USH1C: variants seen among roughly 807,000 people sequenced by gnomAD.
USH1C encodes the protein harmonin.
USH1C carries 90 observed loss-of-function variants against 119.3 expected under a neutral mutation model. The ratio of observed to expected loss-of-function variants is 0.75; its 90% CI spans 0.64 to 0.90. USH1C has a LOEUF of 0.90. USH1C is among the 40% of genes least tolerant of loss of function. USH1C has a pLI of 0.00. For synonymous variants in USH1C, 465 were observed against 443.3 expected, an observed-to-expected ratio of 1.05 and a Z score of -0.62; for missense variants, 1,165 against 1,167.7, an observed-to-expected ratio of 1.00 and a Z score of 0.03.
intron 1 of USH1C, among the ~76,000 whole-genome samples, chr11:17,541,041 G>A (rs539223779): frequency 2.0e-5 from 3 of 152,046 alleles, no homozygotes; most frequent in Non-Finnish European, 2.9e-5. Context: ...TTGCCTCAGG[G>A]CCTTCACACT....
chr11:17,499,508 A>C (rs1849360022), intron 23 of USH1C, among the ~76,000 whole-genome samples: 1 of 152,226 alleles, frequency 6.6e-6, no homozygotes, highest in African/African-American at 2.4e-5. Flanking sequence ...GTAAGTGGGA[A>C]GGACCCAGGA....
intron 4 of USH1C, among the ~76,000 whole-genome samples, chr11:17,530,268 G>A: frequency 6.6e-6 from 1 of 152,222 alleles, no homozygotes; most frequent in East Asian, 1.9e-4. Flanking sequence ...CCTGGGCTCA[G>A]GTAGGAGTGA....
intron 19 of USH1C, among the ~76,000 whole-genome samples, chr11:17,504,923 C>A (rs1849591776): frequency 6.6e-6 from 1 of 152,228 alleles, no homozygotes; most frequent in Non-Finnish European, 1.5e-5. Flanking sequence ...GACATGGATG[C>A]ATCCGCAGGC....
At position 17,494,224 on chromosome 11, in the gene USH1C, G is replaced by A; in HGVS notation, c.*108C>T. On this transcript the variant is annotated 3_prime_UTR_variant, in exon 27 of 27. Coordinates refer to ENST00000005226, the MANE Select transcript of USH1C (RefSeq NM_153676.4). ...GCCAAAGGGAGTTTGAGATTCCTGG[G>A]TGATAGATTCAGGTCCCAAGGATGC... is the stretch of plus-strand genomic sequence containing the variant. The A allele has an allele frequency of 7.4e-7, 1 of 1,358,498 alleles. No individual in the cohort carries two copies. The highest frequency in any genetic ancestry group is 1.0e-6 in the Non-Finnish European group (1 of 971,250). 84.2% of individuals were successfully genotyped at this position (1,358,498 alleles called of 1,614,324 possible). A position where few individuals can be genotyped will look rare whatever the true frequency, so the allele number is the denominator to read the frequency against.
At position 17,510,536 on chromosome 11, in the gene USH1C, C is replaced by T. The variant is rs767832090; in HGVS notation, c.1414-15G>A. 59 of 1,601,954 alleles carry T rather than the reference C, an allele frequency of 3.7e-5. No individual in the cohort carries two copies. The highest frequency in any genetic ancestry group is 3.5e-4 in the South Asian group (32 of 90,832). On this transcript the variant is annotated splice_polypyrimidine_tract_variant and intron_variant, in intron 16 of 26. Transcript: ENST00000005226. ...GTCTCAGACACCTGGGACCCAGGAT[C>T]GGCGCAGAAAGGAGAGGACAAAGGG...
chr11:17,536,554 G>T (rs1056261991), intron 1 of USH1C, among the ~76,000 whole-genome samples: 1 of 152,194 alleles, frequency 6.6e-6, no homozygotes, highest in Non-Finnish European at 1.5e-5. Flanking sequence ...CTTGTCAGCA[G>T]CCCTCCAGCA....
Position 17,501,958 on chromosome 11 carries a change from C to CT in USH1C, c.2206_2207insA (p.Gly736GlufsTer3). On this transcript the variant is annotated frameshift_variant, in exon 21 of 27. Transcript: ENST00000005226. LOFTEE classifies it high-confidence loss of function. ...TCTTACCATAGAGTAGGGGTCAAAGCCTTCCTCATATTTCCGGAAATCCTG... is the reference window on the plus strand; with the variant it reads ...TCTTACCATAGAGTAGGGGTCAAAGCTCTTCCTCATATTTCCGGAAATCCTG... The CT allele has an allele frequency of 6.2e-7, 1 of 1,613,788 alleles. No individual in the cohort carries two copies. Among genetic ancestry groups the CT allele is most frequent in the East Asian group, 2.2e-5 (1 of 44,886 alleles).
At chr11:17,522,727 G>A in intron 12 of USH1C, 57 bp downstream of exon 12, 1 of 1,611,808 alleles carries the variant, frequency 6.2e-7, no homozygotes, top group South Asian at 1.1e-5. Flanking sequence ...CAAGCTAGGT[G>A]GGGTCGTGTG....
intron 20 of USH1C, among the ~76,000 whole-genome samples, chr11:17,503,919 G>T (rs1248400926): frequency 6.6e-6 from 1 of 152,226 alleles, no homozygotes; most frequent in Admixed American, 6.5e-5. Context: ...CTGCCCCTCT[G>T]CTCCCTGCCT....
chr11:17,497,787 C>A (rs1225833874), intron 24 of USH1C, among the ~76,000 whole-genome samples: 1 of 152,196 alleles, frequency 6.6e-6, no homozygotes, highest in African/African-American at 2.4e-5. Context: ...CCCACCAGCC[C>A]CTCCTTCATC....
At chr11:17,528,273 G>GTA in intron 4 of USH1C, among the ~76,000 whole-genome samples, 1 of 152,194 alleles carries the variant, frequency 6.6e-6, no homozygotes, top group South Asian at 2.1e-4. Context: ...GATGGGCCCT[G>GTA]GGCAGCCAGC....
chr11:17,538,086 C>T (rs78730869), intron 1 of USH1C, among the ~76,000 whole-genome samples: 2,563 of 152,278 alleles, frequency 0.017, 79 homozygotes, highest in African/African-American at 0.056. Flanking sequence ...TTTAGAAAGC[C>T]TTTCCTTTTC....
intron 1 of USH1C, among the ~76,000 whole-genome samples, chr11:17,534,284 C>T (rs969782628): frequency 6.6e-6 from 1 of 152,232 alleles, no homozygotes; most frequent in African/African-American, 2.4e-5. Context: ...AGCGTTACCT[C>T]TTTCTGTGGG....
chr11:17,502,287 T>C (rs952071144), intron 20 of USH1C, among the ~76,000 whole-genome samples: 5 of 152,064 alleles, frequency 3.3e-5, no homozygotes, highest in Non-Finnish European at 2.9e-5. Flanking sequence ...AGAGGCGGCA[T>C]CTGCCTTGCT....
Position 17,512,011 on chromosome 11 carries a change from T to A in USH1C, c.1304A>T (p.Asp435Val). The change falls in exon 16 of 27, where the codon GAC becomes GTC. Residue 435 changes from aspartate to valine, a missense_variant. Physicochemically the swap from Asp to Val is radical, Grantham distance 152 (BLOSUM62 -3). Transcript: ENST00000005226. ...KKKAKYGSLQ[D>V]LRKNKKELEF... is the part of the protein sequence containing the mutation. ...CAGTTCTTTCTTATTCTTTCTCAAGTCCTGCAGGCTGCCATACTTGGCTTT... is the reference window on the plus strand; with the variant it reads ...CAGTTCTTTCTTATTCTTTCTCAAGACCTGCAGGCTGCCATACTTGGCTTT... 1.2e-6 allele frequency: 2 copies of A among 1,614,238 alleles called. No homozygotes were observed. The highest frequency in any genetic ancestry group is 1.7e-6 in the Non-Finnish European group (2 of 1,180,050).
intron 26 of USH1C, among the ~76,000 whole-genome samples, 161 bp downstream of exon 26, chr11:17,495,408 T>C (rs1849208893): frequency 6.6e-6 from 1 of 152,196 alleles, no homozygotes; most frequent in African/African-American, 2.4e-5. Context: ...GTCTGAGGAA[T>C]TCCACTGTGG....
intron 1 of USH1C, among the ~76,000 whole-genome samples, chr11:17,540,537 T>C (rs1851421373): frequency 6.6e-6 from 1 of 152,124 alleles, no homozygotes; most frequent in African/African-American, 2.4e-5. Flanking sequence ...AGGCCAGACC[T>C]ACAGCCTTCT....
In USH1C at chr11:17,494,071, G is replaced by A; in HGVS notation, c.*261C>T. ...AGAGCTGGGAGAGACCAAATTCACT[G>A]GGCCAGAGGAAAGGAATGAGAGTCT... On this transcript the variant is annotated 3_prime_UTR_variant, in exon 27 of 27. Coordinates refer to ENST00000005226, the MANE Select transcript of USH1C (RefSeq NM_153676.4). 1 of 534,236 alleles carries A rather than the reference G, an allele frequency of 1.9e-6. No homozygotes were observed. Among genetic ancestry groups the A allele is most frequent in the Non-Finnish European group, 3.4e-6 (1 of 295,622 alleles). 33.1% of individuals were successfully genotyped at this position (534,236 alleles called of 1,614,324 possible). A position where few individuals can be genotyped will look rare whatever the true frequency, so the allele number is the denominator to read the frequency against.
intron 12 of USH1C, among the ~76,000 whole-genome samples, chr11:17,521,790 G>A (rs1361089530): frequency 6.6e-6 from 1 of 152,168 alleles, no homozygotes; most frequent in Non-Finnish European, 1.5e-5. Context: ...ACTCTGTGTT[G>A]GGGGAGATGG....
Sources: gnomAD v4.1 joint callset for allele counts (sites outside exome capture counted in the v4.1 genomes callset) on GRCh38, gnomAD v4.1.1 for gene constraint, MANE v1.5 for transcripts, NCBI Gene and HGNC (gene_info 2026-07-23, HGNC 2026-07-21) for gene names.